The following FILIP1L variants were observed in gnomAD, a reference collection of about 807,000 sequenced individuals.
The protein encoded by FILIP1L is filamin A-interacting protein 1-like.
Under a neutral mutation model 96.6 loss-of-function variants are expected in FILIP1L, and 55 were observed. That is an observed-to-expected ratio of 0.57 (90% CI 0.46 to 0.71). The LOEUF (loss-of-function observed/expected upper bound fraction) is 0.71, where lower values mean the gene tolerates loss of function less well. Ranked by LOEUF, FILIP1L falls within the 30% of genes least tolerant of loss-of-function variation. The pLI, the probability that FILIP1L is intolerant of heterozygous loss-of-function variation, is 0.00. For synonymous variants in FILIP1L, 467 were observed against 473.9 expected, an observed-to-expected ratio of 0.99 and a Z score of 0.19; for missense variants, 1,304 against 1,321.2, an observed-to-expected ratio of 0.99 and a Z score of 0.20.
At chr3:100,060,977 G>T (rs375109224) in intron 1 of FILIP1L, among the ~76,000 whole-genome samples, 5 of 152,080 alleles carry the variant, frequency 3.3e-5, no homozygotes, top group African/African-American at 9.7e-5. Context: ...CTCATTAACC[G>T]CACGAGGTGA....
intron 3 of FILIP1L, among the ~76,000 whole-genome samples, chr3:99,925,184 A>G (rs1402399717): frequency 6.6e-6 from 1 of 152,202 alleles, no homozygotes; most frequent in East Asian, 1.9e-4. Flanking sequence ...TTATACATCA[A>G]GGTATTTCCA....
chr3:99,982,345 CTTT>C (rs999936582), intron 1 of FILIP1L, among the ~76,000 whole-genome samples: 3 of 144,308 alleles, frequency 2.1e-5, no homozygotes, highest in Admixed American at 7.0e-5. Flanking sequence ...TAATTTTTTA[CTTT>C]TTTTTTTTTG....
intron 4 of FILIP1L, among the ~76,000 whole-genome samples, chr3:99,907,951 T>G (rs764520744): frequency 6.6e-6 from 1 of 152,204 alleles, no homozygotes; most frequent in Non-Finnish European, 1.5e-5. Flanking sequence ...CATTTTGAAA[T>G]GAATGAATAA....
chr3:100,052,104 G>T (rs2065384438), intron 1 of FILIP1L, among the ~76,000 whole-genome samples: 1 of 151,920 alleles, frequency 6.6e-6, no homozygotes, highest in Non-Finnish European at 1.5e-5. Flanking sequence ...GCTACTAATG[G>T]GCATAATTTG....
chr3:99,928,333 C>T (rs1271185174), intron 3 of FILIP1L, among the ~76,000 whole-genome samples: 1 of 152,100 alleles, frequency 6.6e-6, no homozygotes, highest in Non-Finnish European at 1.5e-5. Context: ...CGAGGAATTG[C>T]ATAAACTGAT....
intron 1 of FILIP1L, among the ~76,000 whole-genome samples, chr3:99,981,825 G>T (rs1709132968): frequency 1.3e-5 from 2 of 152,264 alleles, no homozygotes; most frequent in Admixed American, 6.5e-5. Flanking sequence ...ATTAGGGAAG[G>T]TTCGTGAGAC....
intron 4 of FILIP1L, among the ~76,000 whole-genome samples, chr3:99,895,541 A>G (rs974118800): frequency 2.0e-5 from 3 of 152,134 alleles, no homozygotes; most frequent in Admixed American, 6.5e-5. Context: ...TGCTAGATAT[A>G]GTTTAGGGAA....
intron 1 of FILIP1L, among the ~76,000 whole-genome samples, chr3:99,959,082 T>C (rs1446187479): frequency 1.3e-5 from 2 of 152,180 alleles, no homozygotes; most frequent in Admixed American, 6.5e-5. Context: ...CACATCAGGA[T>C]ATGATGGTAA....
chr3:100,067,166 CGTTTGTTT>C (rs4062235), intron 1 of FILIP1L, among the ~76,000 whole-genome samples: 34 of 150,982 alleles, frequency 2.3e-4, no homozygotes, highest in Admixed American at 4.6e-4. Flanking sequence ...TTTTTGATCT[CGTTTGTTT>C]GTTTGTTTGT....
chr3:99,856,923 CTTATA>C (rs879442364), intron 4 of FILIP1L, among the ~76,000 whole-genome samples: 32 of 152,206 alleles, frequency 2.1e-4, no homozygotes, highest in South Asian at 4.2e-4. Flanking sequence ...CCCATAATAA[CTTATA>C]TTATAATTCT....
chr3:99,976,356 G>T (rs368905064), intron 1 of FILIP1L, among the ~76,000 whole-genome samples: 6 of 152,144 alleles, frequency 3.9e-5, no homozygotes, highest in African/African-American at 1.4e-4. Flanking sequence ...ATTGGATAGG[G>T]ATGTCTATTT....
At chr3:99,958,240 A>G (rs1441796748) in intron 1 of FILIP1L, among the ~76,000 whole-genome samples, 3 of 142,902 alleles carry the variant, frequency 2.1e-5, no homozygotes, top group Non-Finnish European at 4.6e-5. Flanking sequence ...TATTATTATT[A>G]TTATTATTAT....
chr3:100,052,945 T>C (rs563220169), intron 1 of FILIP1L, among the ~76,000 whole-genome samples: 1 of 152,222 alleles, frequency 6.6e-6, no homozygotes, highest in Admixed American at 6.5e-5. Flanking sequence ...TTCCCCTAAA[T>C]AAGATGAAAT....
chr3:99,930,245 C>T (rs1316890460), intron 2 of FILIP1L, among the ~76,000 whole-genome samples: 1 of 152,174 alleles, frequency 6.6e-6, no homozygotes, highest in Non-Finnish European at 1.5e-5. Context: ...GATTACTATA[C>T]AACATTGGAG....
In FILIP1L at chr3:99,923,875, G is replaced by T. The variant is rs704584; in HGVS notation, c.605+355C>A. On this transcript the variant is annotated intron_variant, in intron 4 of 5. Transcript: ENST00000477258. ...AAGCTTGAGTTCCCTCAAAATGCAG[G>T]TTCTTTTCTCACTTCTATACTAACA... is the stretch of plus-strand genomic sequence containing the variant. 2.7e-3 allele frequency among the ~76,000 whole-genome samples: 416 copies of T among 152,276 alleles called. 2 individuals carry two copies. Among genetic ancestry groups the T allele is most frequent in the African/African-American group, 9.5e-3 (396 of 41,544 alleles).
chr3:99,874,025 G>C (rs1214058881), intron 4 of FILIP1L, among the ~76,000 whole-genome samples: 1 of 152,192 alleles, frequency 6.6e-6, no homozygotes, highest in Admixed American at 6.5e-5. Context: ...GTGTGAGATA[G>C]GGTATCCATG....
intron 1 of FILIP1L, among the ~76,000 whole-genome samples, chr3:100,098,827 A>G (rs1038000646): frequency 5.3e-5 from 8 of 152,234 alleles, no homozygotes; most frequent in South Asian, 2.1e-4. Flanking sequence ...TAGGGATCTC[A>G]AATGGCTTCC....
intron 1 of FILIP1L, among the ~76,000 whole-genome samples, chr3:99,966,406 T>A (rs1708652727): frequency 6.6e-6 from 1 of 152,186 alleles, no homozygotes; most frequent in Non-Finnish European, 1.5e-5. Context: ...AGATTTTTTT[T>A]TTCGGCTATA....
At chr3:100,051,575 C>G (rs2065374035) in intron 1 of FILIP1L, among the ~76,000 whole-genome samples, 1 of 134,130 alleles carries the variant, frequency 7.5e-6, no homozygotes, top group African/African-American at 2.8e-5. Context: ...TCTCATTGTT[C>G]ATTTCCCACC....
Sources: allele counts gnomAD v4.1 joint callset (sites outside exome capture counted in the v4.1 genomes callset), GRCh38; gene constraint gnomAD v4.1.1; transcripts MANE v1.5; gene names NCBI Gene and HGNC (gene_info 2026-07-23, HGNC 2026-07-21).